PDE4D: variants seen among roughly 807,000 people sequenced by gnomAD.
The protein encoded by PDE4D is phosphodiesterase 4D.
In PDE4D, 24 loss-of-function variants were observed where a neutral mutation model predicts 87.4. That is an observed-to-expected ratio of 0.27 (90% confidence interval 0.20 to 0.39). The LOEUF is 0.39. Among genes scored for constraint, PDE4D ranks in the 10% least tolerant of loss-of-function variants. The probability of loss-of-function intolerance (pLI) is 1.00; values close to 1 mark genes in which losing one functional copy is unlikely to be tolerated. For missense variants in PDE4D, 714 were observed against 1,041.0 expected, an observed-to-expected ratio of 0.69 and a Z score of 4.32; for synonymous variants, 384 against 383.2, an observed-to-expected ratio of 1.00 and a Z score of -0.02.
chr5:60,096,064 C>T (rs1227193693), intron 2 of PDE4D, among the ~76,000 whole-genome samples: 1 of 152,006 alleles, frequency 6.6e-6, no homozygotes, highest in African/African-American at 2.4e-5. Flanking sequence ...TCTGATGATA[C>T]TTTCTTTTGC....
intron 1 of PDE4D, among the ~76,000 whole-genome samples, chr5:59,812,581 G>A (rs746680492): frequency 7.9e-5 from 12 of 152,060 alleles, no homozygotes; most frequent in Non-Finnish European, 1.8e-4. Context: ...GCTGAGGCAG[G>A]AGAATGGCTT....
At chr5:59,599,998 C>G (rs550615777) in intron 1 of PDE4D, among the ~76,000 whole-genome samples, 2 of 152,304 alleles carry the variant, frequency 1.3e-5, no homozygotes, top group East Asian at 3.9e-4. Context: ...TAATTGGTAT[C>G]CCTGCTGGGT....
At chr5:60,431,366 G>A (rs557253790) in intron 1 of PDE4D, among the ~76,000 whole-genome samples, 158 of 151,572 alleles carry the variant, frequency 1.0e-3, no homozygotes, top group African/African-American at 1.6e-3. Context: ...TGGGGCGGCC[G>A]GGCAGAGACG....
At chr5:59,712,758 G>A (rs1440776434) in intron 1 of PDE4D, among the ~76,000 whole-genome samples, 1 of 152,042 alleles carries the variant, frequency 6.6e-6, no homozygotes, top group African/African-American at 2.4e-5. Flanking sequence ...AGAAGGCAAA[G>A]GTTCTGAGCA....
At position 60,467,793 on chromosome 5, in the gene PDE4D, G is replaced by A. The variant is rs182567258; in HGVS notation, c.-90+20149C>T. Reference sequence around the variant, plus strand: ...TGGAAGGTGAAGGGGAAGCAAGCACGTCTTGGCATGGCAGAGCAGGAGAGA... The same window carrying A: ...TGGAAGGTGAAGGGGAAGCAAGCACATCTTGGCATGGCAGAGCAGGAGAGA... On this transcript the variant is annotated intron_variant, in intron 1 of 16. Transcript: ENST00000502484. Among the ~76,000 whole-genome samples the A allele has an allele frequency of 2.8e-3, 424 of 152,264 alleles. 1 individual carries two copies. Among genetic ancestry groups the A allele is most frequent in the Middle Eastern group, 0.014 (4 of 294 alleles).
At chr5:59,052,712 G>C (rs966582444) in intron 5 of PDE4D, among the ~76,000 whole-genome samples, 2 of 152,134 alleles carry the variant, frequency 1.3e-5, no homozygotes, top group African/African-American at 4.8e-5. Context: ...CTGTACCTCA[G>C]TTTTCTTTTT....
chr5:59,636,035 A>G (rs527270952), intron 1 of PDE4D, among the ~76,000 whole-genome samples: 28 of 152,348 alleles, frequency 1.8e-4, no homozygotes, highest in African/African-American at 6.7e-4. Context: ...ACTTCAGCAA[A>G]GTCTCAGGAT....
chr5:59,928,818 C>CATTTCTATATATTAGAA (rs1025897052), intron 3 of PDE4D, among the ~76,000 whole-genome samples: 3 of 147,120 alleles, frequency 2.0e-5, no homozygotes, highest in South Asian at 4.2e-4. Flanking sequence ...TAAAATGCTC[C>CATTTCTATATATTAGAA]ATTTCTATAT....
chr5:59,359,029 G>A (rs568855266), intron 1 of PDE4D, among the ~76,000 whole-genome samples: 6 of 152,238 alleles, frequency 3.9e-5, no homozygotes, highest in African/African-American at 1.4e-4. Context: ...ATAATTAACT[G>A]CCTTTGCTTA....
chr5:60,208,091 A>G (rs981754313), intron 1 of PDE4D, among the ~76,000 whole-genome samples: 1 of 152,236 alleles, frequency 6.6e-6, no homozygotes, highest in African/African-American at 2.4e-5. Flanking sequence ...AAAAACCTCT[A>G]TATTCATTTA....
intron 5 of PDE4D, among the ~76,000 whole-genome samples, chr5:59,043,258 T>G (rs575908008): frequency 6.6e-6 from 1 of 152,310 alleles, no homozygotes; most frequent in African/African-American, 2.4e-5. Flanking sequence ...GCACAGTGGC[T>G]CACGCCTGTA....
At chr5:60,482,512 T>C (rs947768676) in intron 1 of PDE4D, among the ~76,000 whole-genome samples, 2 of 152,182 alleles carry the variant, frequency 1.3e-5, no homozygotes, top group African/African-American at 2.4e-5. Flanking sequence ...CAGACTTCTA[T>C]GAGTTTTCTC....
intron 1 of PDE4D, among the ~76,000 whole-genome samples, chr5:60,438,431 A>AG (rs1182852211): frequency 2.0e-5 from 3 of 151,996 alleles, no homozygotes; most frequent in African/African-American, 7.2e-5. Context: ...TAGCTAATTT[A>AG]TTTTTTGTAT....
At chr5:60,041,722 C>T (rs1373852143) in intron 2 of PDE4D, among the ~76,000 whole-genome samples, 1 of 152,140 alleles carries the variant, frequency 6.6e-6, no homozygotes, top group Non-Finnish European at 1.5e-5. Flanking sequence ...CTCCTCTAGC[C>T]AAGGGAAGCC....
intron 1 of PDE4D, among the ~76,000 whole-genome samples, chr5:59,279,744 G>C (rs992800869): frequency 1.3e-4 from 20 of 151,746 alleles, no homozygotes; most frequent in Non-Finnish European, 1.2e-4. Context: ...TTGGACCCAG[G>C]TATATTTCAT....
At chr5:59,601,143 AATG>A (rs1827446585) in intron 1 of PDE4D, among the ~76,000 whole-genome samples, 1 of 152,140 alleles carries the variant, frequency 6.6e-6, no homozygotes. Flanking sequence ...AATTTGTGAC[AATG>A]ATATGTTTGC....
At chr5:59,433,568 G>A (rs1796405324) in intron 1 of PDE4D, among the ~76,000 whole-genome samples, 1 of 152,062 alleles carries the variant, frequency 6.6e-6, no homozygotes, top group Non-Finnish European at 1.5e-5. Context: ...ACACATTGGA[G>A]AGTTTAATTT....
At chr5:60,281,217 C>T (rs898390591) in intron 1 of PDE4D, among the ~76,000 whole-genome samples, 3 of 152,112 alleles carry the variant, frequency 2.0e-5, no homozygotes, top group Non-Finnish European at 4.4e-5. Flanking sequence ...TCTCACTCTA[C>T]TTTGTTTCAG....
In PDE4D at chr5:59,570,646, C is replaced by CAA. The variant is rs35457740; in HGVS notation, c.455+322520_455+322521dup. 1.4e-3 allele frequency among the ~76,000 whole-genome samples: 212 copies of CAA among 147,148 alleles called. 1 individual carries two copies. Among genetic ancestry groups the CAA allele is most frequent in the African/African-American group, 5.1e-3 (206 of 40,302 alleles). The stretch of plus-strand genomic sequence containing the variant: ...GGAGTATACAATGTTGACAAATATG[C>CAA]AAAAAAAAAAAAATTGCAAAACTCC... On this transcript the variant is annotated intron_variant, in intron 1 of 14. Transcript: ENST00000340635.
Sources: gnomAD v4.1 joint callset for allele counts (sites outside exome capture counted in the v4.1 genomes callset) on GRCh38, gnomAD v4.1.1 for gene constraint, MANE v1.5 for transcripts, NCBI Gene and HGNC (gene_info 2026-07-23, HGNC 2026-07-21) for gene names.